Variants in STXBP4 observed in about 807,000 individuals in gnomAD.
STXBP4 encodes syntaxin-binding protein 4.
Under a neutral mutation model 76.1 loss-of-function variants are expected in STXBP4, and 55 were observed. The ratio of observed to expected loss-of-function variants is 0.72; its 90% CI spans 0.58 to 0.91. The LOEUF (loss-of-function observed/expected upper bound fraction) is 0.91, where lower values mean the gene tolerates loss of function less well. Ranked by LOEUF, STXBP4 falls within the 40% of genes least tolerant of loss-of-function variation. The pLI is 0.00. For missense variants in STXBP4, 618 were observed against 636.9 expected, an observed-to-expected ratio of 0.97 and a Z score of 0.32; for synonymous variants, 201 against 220.2, an observed-to-expected ratio of 0.91 and a Z score of 0.77.
chr17:55,014,655 C>A (rs1376723629), intron 8 of STXBP4, among the ~76,000 whole-genome samples: 1 of 152,104 alleles, frequency 6.6e-6, no homozygotes, highest in Non-Finnish European at 1.5e-5. Context: ...CACCTTCAGT[C>A]CTGCTGCTGG....
In STXBP4 at chr17:55,078,264, A is replaced by G. The variant is rs113673345; in HGVS notation, c.1305+70A>G. On this transcript the variant is annotated intron_variant, in intron 14 of 17. Transcript: ENST00000376352. ...GGCAACTGGCATATAGATAAATGTT[A>G]CTGTATTTGGTACCTAGTGAAACAT... 1.2e-4 allele frequency: 119 copies of G among 1,012,018 alleles called. 1 individual carries two copies. In the Middle Eastern group the frequency reaches 1.8e-3, roughly 15 times the overall value. 62.7% of individuals were successfully genotyped at this position (1,012,018 alleles called of 1,614,324 possible).
At chr17:55,190,110 G>A in the STXBP4 span, among the ~76,000 whole-genome samples, 11 of 152,116 alleles carry the variant, frequency 7.2e-5, no homozygotes, top group African/African-American at 2.2e-4. Flanking sequence ...GTTTTAGAAA[G>A]GAATACTGAA....
At chr17:55,101,189 G>C (rs1490682171) in intron 16 of STXBP4, among the ~76,000 whole-genome samples, 4 of 152,140 alleles carry the variant, frequency 2.6e-5, no homozygotes, top group Non-Finnish European at 5.9e-5. Context: ...GTGGGAAAAT[G>C]ACCTTCACAG....
At chr17:55,084,886 G>A (rs2079304406) in intron 16 of STXBP4, among the ~76,000 whole-genome samples, 1 of 152,096 alleles carries the variant, frequency 6.6e-6, no homozygotes, top group Non-Finnish European at 1.5e-5. Flanking sequence ...TATAAATCAT[G>A]CTGCTATAAA....
chr17:55,006,511 A>T (rs1002230110), intron 7 of STXBP4, among the ~76,000 whole-genome samples: 17 of 152,234 alleles, frequency 1.1e-4, no homozygotes, highest in African/African-American at 3.9e-4. Context: ...AATTACAGGA[A>T]TTTGTTTTAC....
chr17:55,155,948 G>A (rs2080272154), intron 17 of STXBP4, among the ~76,000 whole-genome samples: 1 of 152,030 alleles, frequency 6.6e-6, no homozygotes, highest in Admixed American at 6.6e-5. Context: ...ACACAATACT[G>A]TTATCTTCCC....
chr17:54,970,136 TAGC>T (rs958328784), intron 1 of STXBP4, among the ~76,000 whole-genome samples: 4 of 152,116 alleles, frequency 2.6e-5, no homozygotes, highest in Admixed American at 1.3e-4. Flanking sequence ...GTTCCCAACA[TAGC>T]AGAGTGGAAA....
chr17:55,125,813 CTG>C (rs1392380097), intron 16 of STXBP4, among the ~76,000 whole-genome samples: 1 of 152,154 alleles, frequency 6.6e-6, no homozygotes, highest in East Asian at 1.9e-4. Flanking sequence ...AGTGGTAAAA[CTG>C]ATAACTTGCA....
chr17:54,999,780 A>G lies in STXBP4; in HGVS notation c.436A>G (p.Ile146Val), dbSNP rs201714381. 1.8e-4 allele frequency: 296 copies of G among 1,613,556 alleles called. No homozygotes were observed. Among genetic ancestry groups the G allele is most frequent in the Non-Finnish European group, 2.4e-4 (284 of 1,179,772 alleles). ...TLSLFSSPPE[I>V]LIPKTSSTPK... is the part of the protein sequence containing the mutation. ...AAGTCTTTTTTCTTCTCCTCCTGAA[A>G]TACTAATCCCAAAGACCTCATCCAC... Residue 146 changes from isoleucine (I) to valine (V), a missense_variant, in exon 6 of 18, where the codon ATA becomes GTA. By Grantham distance (29) the Ile-to-Val change is conservative (BLOSUM62 3). Transcript: ENST00000376352.
intron 7 of STXBP4, among the ~76,000 whole-genome samples, chr17:55,002,184 A>G (rs953710063): frequency 1.1e-4 from 17 of 152,314 alleles, no homozygotes; most frequent in Middle Eastern, 3.4e-3. Flanking sequence ...AACAGTCATG[A>G]GATGAGCATC....
chr17:55,043,478 G>T, intron 11 of STXBP4, 153 bp downstream of exon 11: 1 of 784,160 alleles, frequency 1.3e-6, no homozygotes, highest in Non-Finnish European at 1.9e-6. Flanking sequence ...TTATTCAGTT[G>T]GCCTTTAGAG....
rs562679507 is a variant in STXBP4, at chr17:55,095,214, G to A, written c.1489+14031G>A. ...AAATGCAAGGACTGCTTCTAAGATT[G>A]TAGAAGGCATGAGTGGTAAAATATA... On this transcript the variant is annotated intron_variant, in intron 16 of 17. Coordinates refer to ENST00000376352, the MANE Select transcript of STXBP4 (RefSeq NM_178509.6). Among the ~76,000 whole-genome samples the A allele has an allele frequency of 3.9e-5, 6 of 152,306 alleles. No homozygotes were observed. In the South Asian group the frequency reaches 1.2e-3, roughly 32 times the overall value.
In STXBP4 at chr17:55,166,829, G is replaced by A. The variant is rs1394578020; in HGVS notation, c.*6918G>A. 1 of 152,148 alleles carries A rather than the reference G, an allele frequency of 6.6e-6. No homozygotes were observed. Among genetic ancestry groups the A allele is most frequent in the African/African-American group, 2.4e-5 (1 of 41,422 alleles). 9.4% of individuals were successfully genotyped at this position (152,148 alleles called of 1,614,324 possible). A position where few individuals can be genotyped will look rare whatever the true frequency, so the allele number is the denominator to read the frequency against. On this transcript the variant is annotated 3_prime_UTR_variant, in exon 18 of 18. Transcript: ENST00000376352. ...AATTTACTTTTATCTACTGAGCTGGGTTACTGAGTCTTAGAGGCTTGAAAT... is the reference window on the plus strand; with the variant it reads ...AATTTACTTTTATCTACTGAGCTGGATTACTGAGTCTTAGAGGCTTGAAAT...
chr17:55,046,800 A>G (rs924168060), intron 11 of STXBP4, among the ~76,000 whole-genome samples: 11 of 151,914 alleles, frequency 7.2e-5, no homozygotes, highest in Non-Finnish European at 1.3e-4. Flanking sequence ...CTTAACCAAA[A>G]TTGTGTTAAT....
At position 55,119,603 on chromosome 17, in the gene STXBP4, G is replaced by A. The variant is rs565369008; in HGVS notation, c.1490-21707G>A. Reference sequence around the variant, plus strand: ...ATCAGAAGTCAGTCAACAAAGACAAGACTTTGACCTAAAAAAGATTGGAAA... The same window carrying A: ...ATCAGAAGTCAGTCAACAAAGACAAAACTTTGACCTAAAAAAGATTGGAAA... On this transcript the variant is annotated intron_variant, in intron 16 of 17. Coordinates refer to ENST00000376352, the MANE Select transcript of STXBP4 (RefSeq NM_178509.6). 2.6e-5 allele frequency among the ~76,000 whole-genome samples: 4 copies of A among 152,100 alleles called. No individual in the cohort carries two copies. In the South Asian group the frequency reaches 8.3e-4, roughly 32 times the overall value.
chr17:55,190,448 C>T, the STXBP4 span, among the ~76,000 whole-genome samples: 3 of 152,040 alleles, frequency 2.0e-5, no homozygotes, highest in Non-Finnish European at 4.4e-5. Flanking sequence ...TTTCACATTC[C>T]CCACCACCAC....
At chr17:55,005,785 T>G (rs1468899132) in intron 7 of STXBP4, among the ~76,000 whole-genome samples, 1 of 152,182 alleles carries the variant, frequency 6.6e-6, no homozygotes, top group Non-Finnish European at 1.5e-5. Flanking sequence ...TGGAAGTCAT[T>G]GACAAGCTTC....
intron 17 of STXBP4, among the ~76,000 whole-genome samples, chr17:55,158,091 G>A (rs546802028): frequency 1.3e-5 from 2 of 152,108 alleles, no homozygotes; most frequent in Admixed American, 1.3e-4. Context: ...GATTGAGACA[G>A]GGTCTTGTTC....
chr17:55,179,845 T>C, the STXBP4 span, among the ~76,000 whole-genome samples: 8 of 152,344 alleles, frequency 5.3e-5, no homozygotes, highest in Admixed American at 4.6e-4. Context: ...TGTGTTATTA[T>C]CAGACTCAAA....
Sources: gnomAD v4.1 joint callset for allele counts (sites outside exome capture counted in the v4.1 genomes callset) on GRCh38, gnomAD v4.1.1 for gene constraint, MANE v1.5 for transcripts, NCBI Gene and HGNC (gene_info 2026-07-23, HGNC 2026-07-21) for gene names.